SAMSN1: variants seen among roughly 807,000 people sequenced by gnomAD.
SAMSN1 encodes SAM domain, SH3 domain and nuclear localization signals 1, also known as SAM domain-containing protein SAMSN-1.
In SAMSN1, 31 loss-of-function variants were observed where a neutral mutation model predicts 42.0. The ratio of observed to expected loss-of-function variants is 0.74; its 90% CI spans 0.55 to 1.00. SAMSN1 has a LOEUF of 1.00. Ranked by LOEUF, SAMSN1 falls within the 50% of genes least tolerant of loss-of-function variation. The probability of loss-of-function intolerance (pLI) is 0.00; values close to 1 mark genes in which losing one functional copy is unlikely to be tolerated. For synonymous variants in SAMSN1, 178 were observed against 151.9 expected (o/e 1.17, Z -1.26); for missense variants, 464 against 439.4 (o/e 1.06, Z -0.50).
intron 3 of SAMSN1, among the ~76,000 whole-genome samples, chr21:14,513,105 T>C (rs1161524154): frequency 2.6e-5 from 4 of 152,194 alleles, no homozygotes; most frequent in African/African-American, 9.7e-5. Context: ...TCTAATACCA[T>C]GCTTGCCACC....
chr21:14,490,555 C>G (rs1227788171), intron 7 of SAMSN1, among the ~76,000 whole-genome samples: 1 of 152,176 alleles, frequency 6.6e-6, no homozygotes, highest in Non-Finnish European at 1.5e-5. Context: ...TGGCATGTCT[C>G]TCAGTTATTT....
At chr21:14,581,344 C>CTTTTTTTTTTT (rs56728511) in intron 2 of SAMSN1, among the ~76,000 whole-genome samples, 1,093 of 32,610 alleles carry the variant, frequency 0.034, 450 homozygotes, top group Middle Eastern at 0.05. Context: ...AATAATATTT[C>CTTTTTTTTTTT]TTTTTTTTTT....
rs1317841768 is a variant in SAMSN1, at chr21:14,594,022, A to AG, written c.455_456insC (p.Asp153Ter). 4.2e-6 allele frequency: 3 copies of AG among 715,868 alleles called. No homozygotes were observed. The highest frequency in any genetic ancestry group is 1.7e-5 in the African/African-American group (1 of 57,198). 44.3% of individuals were successfully genotyped at this position (715,868 alleles called of 1,614,324 possible). The stretch of plus-strand genomic sequence containing the variant: ...GGAAGAAATGTCTCACCAGTTCATC[A>AG]ACAGTGGTCTCAACATGTCTTTGAT... On this transcript the variant is annotated frameshift_variant, in exon 7 of 16. Transcript: ENST00000647101. LOFTEE classifies it high-confidence loss of function.
At chr21:14,528,135 T>G (rs1978998077) in intron 1 of SAMSN1, among the ~76,000 whole-genome samples, 1 of 152,138 alleles carries the variant, frequency 6.6e-6, no homozygotes, top group East Asian at 1.9e-4. Flanking sequence ...ATGAAAAGCT[T>G]TAGAAAATGT....
At chr21:14,601,533 T>G (rs552967855) in intron 6 of SAMSN1, among the ~76,000 whole-genome samples, 3 of 152,328 alleles carry the variant, frequency 2.0e-5, no homozygotes, top group South Asian at 4.1e-4. Context: ...CCTTGTTGAC[T>G]CATATATCCT....
intron 2 of SAMSN1, among the ~76,000 whole-genome samples, chr21:14,637,435 A>G (rs935950601): frequency 1.3e-5 from 2 of 152,194 alleles, no homozygotes; most frequent in African/African-American, 4.8e-5. Flanking sequence ...TCTCTTTTTA[A>G]AACAGTTTAT....
chr21:14,523,119 C>T (rs2123047647), intron 1 of SAMSN1, among the ~76,000 whole-genome samples: 1 of 152,228 alleles, frequency 6.6e-6, no homozygotes, highest in East Asian at 1.9e-4. Context: ...TTTGGAGGAC[C>T]TGCTATATTG....
chr21:14,510,861 G>C (rs1013231698), intron 4 of SAMSN1, among the ~76,000 whole-genome samples: 17 of 152,328 alleles, frequency 1.1e-4, no homozygotes, highest in African/African-American at 3.8e-4. Flanking sequence ...TGTCATAACA[G>C]GTGGCACTTT....
chr21:14,497,509 T>C (rs1986959896), intron 7 of SAMSN1, among the ~76,000 whole-genome samples: 1 of 152,088 alleles, frequency 6.6e-6, no homozygotes, highest in Admixed American at 6.6e-5. Context: ...TGAGAATCGC[T>C]TCAACCTGGG....
intron 1 of SAMSN1, among the ~76,000 whole-genome samples, chr21:14,521,930 T>C (rs1239441579): frequency 1.3e-5 from 2 of 151,864 alleles, no homozygotes; most frequent in Non-Finnish European, 2.9e-5. Context: ...AAGTGCATTT[T>C]CTATTACCAA....
At chr21:14,582,020 TG>T in intron 2 of SAMSN1, 1 of 998,678 alleles carries the variant, frequency 1.0e-6, no homozygotes, top group Non-Finnish European at 1.4e-6. Flanking sequence ...ACTCTTGCTC[TG>T]GTAACTTTTC....
At chr21:14,574,997 A>C (rs567841295) in intron 2 of SAMSN1, among the ~76,000 whole-genome samples, 1 of 152,260 alleles carries the variant, frequency 6.6e-6, no homozygotes, top group African/African-American at 2.4e-5. Flanking sequence ...AAAAATTGCT[A>C]TTACTTATTC....
At chr21:14,616,887 G>A (rs543619462) in intron 2 of SAMSN1, among the ~76,000 whole-genome samples, 4 of 152,294 alleles carry the variant, frequency 2.6e-5, no homozygotes, top group East Asian at 1.9e-4. Flanking sequence ...TATTCAGGTC[G>A]TTAATAGTAA....
intron 2 of SAMSN1, among the ~76,000 whole-genome samples, chr21:14,636,837 C>T (rs1303330618): frequency 6.6e-6 from 1 of 151,958 alleles, no homozygotes. Context: ...GCACTCCAGC[C>T]TGGGCGACAG....
intron 3 of SAMSN1, among the ~76,000 whole-genome samples, chr21:14,613,173 C>A (rs761631162): frequency 9.9e-5 from 15 of 151,996 alleles, no homozygotes; most frequent in Admixed American, 2.6e-4. Context: ...AGTCTTTTTA[C>A]GTGAAGGTAT....
At chr21:14,621,471 T>G (rs1983003788) in intron 2 of SAMSN1, among the ~76,000 whole-genome samples, 1 of 152,190 alleles carries the variant, frequency 6.6e-6, no homozygotes, top group African/African-American at 2.4e-5. Context: ...CCAACAGTCT[T>G]AGCAAACGGC....
chr21:14,644,106 C>A (rs1368060598), intron 1 of SAMSN1, among the ~76,000 whole-genome samples: 2 of 152,132 alleles, frequency 1.3e-5, no homozygotes, highest in Non-Finnish European at 2.9e-5. Context: ...ACAAGGACTG[C>A]AACTCCTATG....
intron 5 of SAMSN1, among the ~76,000 whole-genome samples, chr21:14,502,711 C>A (rs1004574292): frequency 6.6e-6 from 1 of 152,038 alleles, no homozygotes; most frequent in African/African-American, 2.4e-5. Flanking sequence ...TTATGGGTAC[C>A]CTTTCCCCAA....
At chr21:14,542,527 A>G (rs1980109530) in intron 1 of SAMSN1, among the ~76,000 whole-genome samples, 1 of 152,230 alleles carries the variant, frequency 6.6e-6, no homozygotes, top group African/African-American at 2.4e-5. Flanking sequence ...GAAAATTGTT[A>G]TGTTCTATAA....
Sources: gnomAD v4.1 joint callset for allele counts (sites outside exome capture counted in the v4.1 genomes callset) on GRCh38, gnomAD v4.1.1 for gene constraint, MANE v1.5 for transcripts, NCBI Gene and HGNC (gene_info 2026-07-23, HGNC 2026-07-21) for gene names.